Variants in FNBP1 observed in about 807,000 individuals in gnomAD.
FNBP1 encodes formin-binding protein 1.
In FNBP1, 26 loss-of-function variants were observed where a neutral mutation model predicts 90.6. The ratio of observed to expected loss-of-function variants is 0.29; its 90% CI spans 0.21 to 0.40. FNBP1 has a LOEUF of 0.40. Among genes scored for constraint, FNBP1 ranks in the 10% least tolerant of loss-of-function variants. FNBP1 has a pLI of 1.00. For missense variants in FNBP1, 635 were observed against 768.0 expected (o/e 0.83, Z 2.05); for synonymous variants, 260 against 265.2 (o/e 0.98, Z 0.19).
intron 4 of FNBP1, among the ~76,000 whole-genome samples, chr9:129,962,279 C>T (rs1028004144): frequency 5.9e-5 from 9 of 152,206 alleles, no homozygotes; most frequent in Non-Finnish European, 8.8e-5. Flanking sequence ...GGGTACTGAA[C>T]CATCCTCACT....
At chr9:129,953,341 A>G (rs1187375028) in intron 6 of FNBP1, among the ~76,000 whole-genome samples, 1 of 151,962 alleles carries the variant, frequency 6.6e-6, no homozygotes, top group Non-Finnish European at 1.5e-5. Context: ...CACACAAAAA[A>G]TTATCCGGGC....
At chr9:129,926,920 A>AAAGAAG (rs955781903) in intron 8 of FNBP1, among the ~76,000 whole-genome samples, 1 of 151,988 alleles carries the variant, frequency 6.6e-6, no homozygotes, top group African/African-American at 2.4e-5. Context: ...AGAAAAAGAA[A>AAAGAAG]AAGAGAAAGA....
intron 6 of FNBP1, among the ~76,000 whole-genome samples, chr9:129,931,534 A>G (rs2042740146): frequency 6.6e-6 from 1 of 152,008 alleles, no homozygotes; most frequent in Non-Finnish European, 1.5e-5. Flanking sequence ...TGAACCCGGG[A>G]GGCGGAGCTT....
upstream of FNBP1, among the ~76,000 whole-genome samples, chr9:130,047,265 T>A (rs28570355): frequency 0.31 from 47,285 of 152,034 alleles, 7,583 homozygotes; most frequent in Non-Finnish European, 0.37. Context: ...TGGTTGGTGG[T>A]GGGAAGAAAT....
At chr9:130,028,450 G>C (rs1006600274) in intron 1 of FNBP1, among the ~76,000 whole-genome samples, 7 of 152,092 alleles carry the variant, frequency 4.6e-5, no homozygotes, top group Non-Finnish European at 1.0e-4. Context: ...TTAGAATGAT[G>C]TGTGATATTA....
chr9:130,043,752 T>A (rs1258248556), upstream of FNBP1, among the ~76,000 whole-genome samples: 3 of 152,136 alleles, frequency 2.0e-5, no homozygotes, highest in Non-Finnish European at 4.4e-5. Flanking sequence ...TCCAGGGGCG[T>A]GCACCCAGTG....
intron 8 of FNBP1, among the ~76,000 whole-genome samples, chr9:129,925,658 A>G (rs1454622600): frequency 8.7e-6 from 1 of 115,106 alleles, no homozygotes; most frequent in East Asian, 2.8e-4. Flanking sequence ...CAGTGGCGTG[A>G]TCTCAGCTCA....
At chr9:129,908,350 C>T (rs1026260015) in intron 12 of FNBP1, among the ~76,000 whole-genome samples, 1 of 150,494 alleles carries the variant, frequency 6.6e-6, no homozygotes, top group Non-Finnish European at 1.5e-5. Context: ...ACTACAGGTG[C>T]ACACCATCAT....
intron 4 of FNBP1, among the ~76,000 whole-genome samples, chr9:129,975,961 G>A (rs1042149852): frequency 2.0e-5 from 3 of 150,334 alleles, no homozygotes; most frequent in Non-Finnish European, 4.4e-5. Flanking sequence ...AAACAACCAG[G>A]AAAAAAATAT....
At chr9:129,943,170 G>A (rs1045053221) in intron 6 of FNBP1, among the ~76,000 whole-genome samples, 7 of 152,034 alleles carry the variant, frequency 4.6e-5, no homozygotes, top group African/African-American at 1.7e-4. Context: ...ATATCCTTCA[G>A]GTTCAAGTCC....
intron 4 of FNBP1, among the ~76,000 whole-genome samples, chr9:129,965,683 AACACAC>A (rs202187436): frequency 1.2e-3 from 12 of 9,922 alleles, no homozygotes. Context: ...TCTCTCTTAA[AACACAC>A]ACACACACGC....
intron 1 of FNBP1, among the ~76,000 whole-genome samples, chr9:130,036,584 GAC>G (rs1409039004): frequency 1.3e-5 from 2 of 152,136 alleles, no homozygotes; most frequent in African/African-American, 4.8e-5. Context: ...AAACAGAAAA[GAC>G]ATGTGCAAAA....
At chr9:129,977,776 G>A (rs1443894396) in intron 4 of FNBP1, among the ~76,000 whole-genome samples, 1 of 152,164 alleles carries the variant, frequency 6.6e-6, no homozygotes, top group Non-Finnish European at 1.5e-5. Flanking sequence ...ACAGGCGTGA[G>A]CCACCATGCC....
chr9:130,030,664 A>G (rs2058723988), intron 1 of FNBP1, among the ~76,000 whole-genome samples: 2 of 152,290 alleles, frequency 1.3e-5, no homozygotes, highest in South Asian at 4.1e-4. Flanking sequence ...GAAATGCTAT[A>G]AAGAATTTAG....
chr9:130,016,288 T>C (rs4523366), intron 1 of FNBP1, among the ~76,000 whole-genome samples: 1 of 152,118 alleles, frequency 6.6e-6, no homozygotes, highest in Non-Finnish European at 1.5e-5. Flanking sequence ...ATGGGATTAG[T>C]GCCCTTTTAA....
the FNBP1 span, among the ~76,000 whole-genome samples, chr9:130,048,784 C>T: frequency 8.7e-5 from 10 of 115,534 alleles, no homozygotes; most frequent in African/African-American, 3.2e-4. Context: ...GGCCCAGTTT[C>T]CTCTTTTTTT....
At chr9:130,002,653 A>G (rs913242962) in intron 1 of FNBP1, among the ~76,000 whole-genome samples, 2 of 152,212 alleles carry the variant, frequency 1.3e-5, no homozygotes, top group Non-Finnish European at 2.9e-5. Flanking sequence ...CATCAGAATT[A>G]TAAGCCAAAC....
chr9:129,970,153 C>T (rs2049228752), intron 4 of FNBP1, among the ~76,000 whole-genome samples: 1 of 151,874 alleles, frequency 6.6e-6, no homozygotes, highest in African/African-American at 2.4e-5. Context: ...GATCCCCCTA[C>T]CTCGGCCTCC....
At chr9:129,937,861 G>T (rs1046272312) in intron 6 of FNBP1, among the ~76,000 whole-genome samples, 1 of 151,738 alleles carries the variant, frequency 6.6e-6, no homozygotes, top group African/African-American at 2.4e-5. Context: ...TAACCTAGAA[G>T]TGAACCAAAT....
Sources: allele counts gnomAD v4.1 joint callset (sites outside exome capture counted in the v4.1 genomes callset), GRCh38; gene constraint gnomAD v4.1.1; transcripts MANE v1.5; gene names NCBI Gene and HGNC (gene_info 2026-07-23, HGNC 2026-07-21).